Variants in UVRAG observed in about 807,000 individuals in gnomAD.
UVRAG encodes the protein UV radiation resistance associated, also known as UV radiation resistance-associated gene protein.
A neutral mutation model predicts 78.0 loss-of-function variants in UVRAG; 19 were observed. The ratio of observed to expected loss-of-function variants is 0.24; its 90% CI spans 0.17 to 0.36. The LOEUF is 0.36. Ranked by LOEUF, UVRAG falls within the 10% of genes least tolerant of loss-of-function variation. The probability of loss-of-function intolerance (pLI) is 1.00; values close to 1 mark genes in which losing one functional copy is unlikely to be tolerated. For synonymous variants in UVRAG, 323 were observed against 324.6 expected (o/e 1.00, Z 0.05); for missense variants, 740 against 853.8 (o/e 0.87, Z 1.66).
intron 13 of UVRAG, among the ~76,000 whole-genome samples, chr11:76,085,437 C>G (rs1255049710): frequency 1.3e-5 from 2 of 152,180 alleles, no homozygotes; most frequent in Non-Finnish European, 2.9e-5. Flanking sequence ...TGTTGTCAGT[C>G]TGCAGTAAGA....
intron 13 of UVRAG, among the ~76,000 whole-genome samples, chr11:76,084,246 A>G (rs1402825545): frequency 3.9e-5 from 6 of 152,236 alleles, no homozygotes; most frequent in African/African-American, 1.2e-4. Context: ...GATACCCATT[A>G]AATTCATACC....
In UVRAG at chr11:76,070,228, CAT is replaced by C. The variant is rs1951276374; in HGVS notation, c.1305+4443_1305+4444del. Among the ~76,000 whole-genome samples the C allele has an allele frequency of 2.6e-5, 4 of 152,016 alleles. No individual in the cohort carries two copies. The South Asian group carries it at 8.3e-4, about 32-fold the overall frequency. ...AAGACAAAGACTGTATGATCTCAGT[CAT>C]ATGCAGAATCTTAAATGTAAAAGTT... On this transcript the variant is annotated intron_variant, in intron 13 of 14. Coordinates refer to ENST00000356136, the MANE Select transcript of UVRAG (RefSeq NM_003369.4).
At chr11:75,885,989 T>G (rs1565363447) in intron 4 of UVRAG, among the ~76,000 whole-genome samples, 1 of 152,124 alleles carries the variant, frequency 6.6e-6, no homozygotes, top group Non-Finnish European at 1.5e-5. Context: ...GTTTTCTGGT[T>G]TTTGGCTGAT....
In UVRAG at chr11:76,119,740, C is replaced by T. The variant is rs1952242422; in HGVS notation, c.1397+3725C>T. On this transcript the variant is annotated intron_variant, in intron 14 of 14. Coordinates refer to ENST00000356136, the MANE Select transcript of UVRAG (RefSeq NM_003369.4). ...TCTGCTATTGCCACTCCAGTCCAAG[C>T]CACCACCTTTTCTTACCCAAACAGC... 3.9e-5 allele frequency among the ~76,000 whole-genome samples: 6 copies of T among 152,346 alleles called. No individual in the cohort carries two copies. The South Asian group carries it at 1.2e-3, about 32-fold the overall frequency.
At chr11:75,837,316 G>A (rs1945804377) in intron 1 of UVRAG, among the ~76,000 whole-genome samples, 2 of 127,044 alleles carry the variant, frequency 1.6e-5, no homozygotes, top group Non-Finnish European at 3.1e-5. Flanking sequence ...GACAGAGTGA[G>A]ACTCTGTCTC....
chr11:75,904,816 G>T (rs1229348321), intron 5 of UVRAG, among the ~76,000 whole-genome samples: 1 of 152,056 alleles, frequency 6.6e-6, no homozygotes, highest in African/African-American at 2.4e-5. Flanking sequence ...ATACAATACT[G>T]CCTGCCACAC....
intron 3 of UVRAG, among the ~76,000 whole-genome samples, chr11:75,864,762 A>G (rs1171117325): frequency 2.6e-5 from 4 of 152,284 alleles, no homozygotes; most frequent in African/African-American, 9.6e-5. Context: ...TCAATTAGAT[A>G]CTAAAGGATT....
chr11:75,941,516 T>A (rs1327483179), intron 6 of UVRAG, among the ~76,000 whole-genome samples: 1 of 152,134 alleles, frequency 6.6e-6, no homozygotes, highest in African/African-American at 2.4e-5. Context: ...TGGTTGAGCG[T>A]CTGAAATCCC....
At chr11:76,120,077 C>G (rs1452114000) in intron 14 of UVRAG, among the ~76,000 whole-genome samples, 2 of 152,290 alleles carry the variant, frequency 1.3e-5, no homozygotes, top group East Asian at 3.9e-4. Flanking sequence ...TTCCTACCAC[C>G]TTCCTCACCT....
chr11:75,892,538 T>A (rs985513236), intron 5 of UVRAG: 5 of 444,226 alleles, frequency 1.1e-5, no homozygotes, highest in South Asian at 9.5e-5. Flanking sequence ...ACAGAGAACT[T>A]AAGTAACTTT....
chr11:76,063,586 A>C (rs1017632478), intron 12 of UVRAG, among the ~76,000 whole-genome samples: 1 of 152,216 alleles, frequency 6.6e-6, no homozygotes, highest in Non-Finnish European at 1.5e-5. Flanking sequence ...GTGAATTTTC[A>C]ATGTGGAAAT....
intron 2 of UVRAG, among the ~76,000 whole-genome samples, chr11:75,859,561 G>A (rs1233574688): frequency 6.6e-6 from 1 of 151,772 alleles, no homozygotes; most frequent in Non-Finnish European, 1.5e-5. Context: ...TTTTATTTCA[G>A]CCTCGTAACA....
intron 12 of UVRAG, among the ~76,000 whole-genome samples, chr11:76,039,208 A>C (rs1950595525): frequency 6.6e-6 from 1 of 152,260 alleles, no homozygotes; most frequent in Non-Finnish European, 1.5e-5. Flanking sequence ...TAGGTGGATT[A>C]AATGAGTGAA....
chr11:75,935,334 A>G (rs931340736), intron 6 of UVRAG, among the ~76,000 whole-genome samples: 6 of 152,236 alleles, frequency 3.9e-5, no homozygotes, highest in African/African-American at 1.2e-4. Context: ...TTATTATCAC[A>G]TTTGTGACAT....
intron 6 of UVRAG, 79 bp from the exon 7 acceptor site, chr11:75,961,364 AG>A: frequency 9.7e-7 from 1 of 1,034,980 alleles, no homozygotes; most frequent in Non-Finnish European, 1.4e-6. Context: ...TGTATCCTCC[AG>A]GTTTGTCATT....
chr11:75,843,966 A>G lies in UVRAG; in HGVS notation c.118-7917A>G, dbSNP rs1224642724. Among the ~76,000 whole-genome samples, 4 of 151,714 alleles carry G rather than the reference A, an allele frequency of 2.6e-5. No individual in the cohort carries two copies. The East Asian group carries it at 7.8e-4, about 29-fold the overall frequency. ...AGAGCAAGACGCCATCTAAAAAAAA[A>G]AAAAAAAAAAGAACTCTCAACAGTT... On this transcript the variant is annotated intron_variant, in intron 1 of 14. Coordinates refer to ENST00000356136, the MANE Select transcript of UVRAG (RefSeq NM_003369.4).
At chr11:75,891,246 C>T (rs1337398576) in intron 5 of UVRAG, among the ~76,000 whole-genome samples, 1 of 152,074 alleles carries the variant, frequency 6.6e-6, no homozygotes, top group Non-Finnish European at 1.5e-5. Context: ...TATTGAATTC[C>T]CAGCACCTGC....
intron 6 of UVRAG, chr11:75,916,220 C>T (rs1947850288): frequency 6.6e-6 from 1 of 152,180 alleles, no homozygotes; most frequent in Non-Finnish European, 1.5e-5. Context: ...AGTCCTAAAA[C>T]TGCCATGTGT....
intron 13 of UVRAG, among the ~76,000 whole-genome samples, chr11:76,107,279 G>T (rs1288005792): frequency 6.6e-6 from 1 of 152,072 alleles, no homozygotes; most frequent in Non-Finnish European, 1.5e-5. Flanking sequence ...AAAGAAAAGA[G>T]CCTGTAAGGG....
Sources: gnomAD v4.1 joint callset for allele counts (sites outside exome capture counted in the v4.1 genomes callset) on GRCh38, gnomAD v4.1.1 for gene constraint, MANE v1.5 for transcripts, NCBI Gene and HGNC (gene_info 2026-07-23, HGNC 2026-07-21) for gene names.